SPRED1: variants seen among roughly 807,000 people sequenced by gnomAD.
SPRED1 encodes sprouty-related, EVH1 domain-containing protein 1.
Under a neutral mutation model 52.3 loss-of-function variants are expected in SPRED1, and 18 were observed. The ratio of observed to expected loss-of-function variants is 0.34; its 90% CI spans 0.24 to 0.51. The LOEUF is 0.51. SPRED1 is among the 20% of genes least tolerant of loss of function. The pLI is 0.97. For missense variants in SPRED1, 485 were observed against 551.0 expected (o/e 0.88, Z 1.20); for synonymous variants, 155 against 179.7 (o/e 0.86, Z 1.10).
intron 1 of SPRED1, among the ~76,000 whole-genome samples, chr15:38,286,616 A>T (rs1291071166): frequency 6.6e-6 from 1 of 151,148 alleles, no homozygotes; most frequent in African/African-American, 2.4e-5. Flanking sequence ...ATTTTTAGGC[A>T]TGGTACCAAT....
At chr15:38,285,317 A>G (rs1165173304) in intron 1 of SPRED1, among the ~76,000 whole-genome samples, 2 of 152,242 alleles carry the variant, frequency 1.3e-5, no homozygotes, top group African/African-American at 4.8e-5. Context: ...ATCACAGAAG[A>G]TAACAATGAA....
At chr15:38,289,240 G>A (rs983363261) in intron 1 of SPRED1, among the ~76,000 whole-genome samples, 2 of 129,570 alleles carry the variant, frequency 1.5e-5, no homozygotes, top group Non-Finnish European at 3.4e-5. Flanking sequence ...AAAAAAAAAA[G>A]GTAATCTCTT....
At chr15:38,309,769 T>G (rs1264125411) in intron 2 of SPRED1, among the ~76,000 whole-genome samples, 1 of 152,216 alleles carries the variant, frequency 6.6e-6, no homozygotes, top group Non-Finnish European at 1.5e-5. Context: ...TAAGTTAACT[T>G]TTGTGTAAAT....
chr15:38,345,588 C>A (rs943004512), intron 5 of SPRED1, among the ~76,000 whole-genome samples: 3 of 152,116 alleles, frequency 2.0e-5, no homozygotes, highest in African/African-American at 7.2e-5. Context: ...ATTCACAGTA[C>A]AATAGTAGCA....
intron 1 of SPRED1, chr15:38,298,646 G>A (rs1895088895): frequency 4.3e-6 from 1 of 230,148 alleles, no homozygotes; most frequent in African/African-American, 2.4e-5. Context: ...TCGGCATAAG[G>A]ATTTTTGAAG....
intron 1 of SPRED1, among the ~76,000 whole-genome samples, chr15:38,275,543 G>T (rs1371067703): frequency 6.6e-6 from 1 of 152,090 alleles, no homozygotes. Context: ...TGTCTCCCAG[G>T]CTGGAGTGCA....
chr15:38,297,494 T>C (rs7163214), intron 1 of SPRED1, among the ~76,000 whole-genome samples: 146,005 of 152,238 alleles, frequency 0.96, 70,286 homozygotes, highest in East Asian at 1. Flanking sequence ...TTCCTCTGAC[T>C]GTTTCTCTGA....
chr15:38,316,748 GTT>G (rs1555390721), intron 2 of SPRED1, among the ~76,000 whole-genome samples: 10 of 41,900 alleles, frequency 2.4e-4, no homozygotes, highest in Admixed American at 5.7e-4. Context: ...TCCATTATAT[GTT>G]TTTTTTTTTT....
chr15:38,323,799 A>G (rs965883846), intron 3 of SPRED1, among the ~76,000 whole-genome samples: 2 of 152,166 alleles, frequency 1.3e-5, no homozygotes, highest in Non-Finnish European at 2.9e-5. Context: ...AATAGTATCC[A>G]TGGCTGCTGG....
intron 2 of SPRED1, among the ~76,000 whole-genome samples, chr15:38,304,077 A>T (rs1019146770): frequency 6.6e-6 from 1 of 152,226 alleles, no homozygotes; most frequent in African/African-American, 2.4e-5. Context: ...GTTTCTTTCC[A>T]GTTACTGTAG....
intron 2 of SPRED1, among the ~76,000 whole-genome samples, chr15:38,302,557 T>C (rs975404977): frequency 6.6e-6 from 1 of 152,172 alleles, no homozygotes; most frequent in African/African-American, 2.4e-5. Flanking sequence ...AGCATCTTTA[T>C]GATGCCTACA....
Position 38,322,371 on chromosome 15 carries a change from A to G in SPRED1, c.338A>G (p.Asp113Gly). The G allele has an allele frequency of 6.2e-7, 1 of 1,613,856 alleles. No homozygotes were observed. The highest frequency in any genetic ancestry group is 8.5e-7 in the Non-Finnish European group (1 of 1,179,866). Residue 113 changes from aspartate to glycine, a missense_variant, in exon 3 of 7, where the codon GAT becomes GGT. Transcript: ENST00000299084. ...FQSPADARAFDRGIRRAIEDI... is the reference protein window; with the variant it reads ...FQSPADARAFGRGIRRAIEDI... Reference sequence around the variant, plus strand: ...AGTCCTGCTGATGCTAGGGCTTTTGATAGAGGTATCCGAAGAGCTATAGAG... The same window carrying G: ...AGTCCTGCTGATGCTAGGGCTTTTGGTAGAGGTATCCGAAGAGCTATAGAG...
At chr15:38,287,412 T>TAG (rs1894833259) in intron 1 of SPRED1, among the ~76,000 whole-genome samples, 2 of 152,184 alleles carry the variant, frequency 1.3e-5, no homozygotes, top group Admixed American at 1.3e-4. Context: ...CTTTCATTGT[T>TAG]TCTTTGATCA....
At chr15:38,311,136 A>G (rs544549466) in intron 2 of SPRED1, among the ~76,000 whole-genome samples, 3 of 152,242 alleles carry the variant, frequency 2.0e-5, no homozygotes, top group Non-Finnish European at 2.9e-5. Context: ...TAACTTGCTG[A>G]TAATTTGTAT....
At chr15:38,272,495 C>T (rs992067318) in intron 1 of SPRED1, among the ~76,000 whole-genome samples, 2 of 152,160 alleles carry the variant, frequency 1.3e-5, no homozygotes, top group African/African-American at 2.4e-5. Context: ...GTCTCGAACT[C>T]CTGACCTCAG....
intron 1 of SPRED1, among the ~76,000 whole-genome samples, chr15:38,283,286 T>G (rs1485491232): frequency 6.6e-6 from 1 of 152,048 alleles, no homozygotes; most frequent in East Asian, 1.9e-4. Flanking sequence ...AAGAACAGCT[T>G]GGGGGAAACC....
chr15:38,262,218 G>C (rs1385872889), intron 1 of SPRED1, among the ~76,000 whole-genome samples: 1 of 152,194 alleles, frequency 6.6e-6, no homozygotes, highest in Non-Finnish European at 1.5e-5. Flanking sequence ...ATTTGAATGA[G>C]TGCTTACTAG....
At chr15:38,285,673 C>T (rs930602543) in intron 1 of SPRED1, among the ~76,000 whole-genome samples, 4 of 152,020 alleles carry the variant, frequency 2.6e-5, no homozygotes, top group Admixed American at 1.3e-4. Context: ...GGACTCTTTC[C>T]GTGCGTGAAA....
chr15:38,313,977 A>G (rs1172791357), intron 2 of SPRED1, among the ~76,000 whole-genome samples: 1 of 151,778 alleles, frequency 6.6e-6, no homozygotes, highest in African/African-American at 2.4e-5. Context: ...TTCACTTGTC[A>G]TTTAGAAGCA....
Sources: allele counts gnomAD v4.1 joint callset (sites outside exome capture counted in the v4.1 genomes callset), GRCh38; gene constraint gnomAD v4.1.1; transcripts MANE v1.5; gene names NCBI Gene and HGNC (gene_info 2026-07-23, HGNC 2026-07-21).